DPYD: variants seen among roughly 807,000 people sequenced by gnomAD.
DPYD encodes the protein dihydropyrimidine dehydrogenase [NADP(+)].
In DPYD, 109 loss-of-function variants were observed where a neutral mutation model predicts 116.2. The ratio of observed to expected loss-of-function variants is 0.94; its 90% CI spans 0.80 to 1.10. DPYD has a LOEUF of 1.10. Ranked by LOEUF, DPYD falls within the 50% of genes least tolerant of loss-of-function variation. DPYD has a pLI of 0.00. For synonymous variants in DPYD, 440 were observed against 432.0 expected, an observed-to-expected ratio of 1.02 and a Z score of -0.23; for missense variants, 1,302 against 1,254.5, an observed-to-expected ratio of 1.04 and a Z score of -0.57.
rs554554892 is a variant in DPYD, at chr1:97,636,813, T to C, written c.851-41647A>G. Among the ~76,000 whole-genome samples, 11 of 152,176 alleles carry C rather than the reference T, an allele frequency of 7.2e-5. No homozygotes were observed. In the South Asian group the frequency reaches 2.1e-3, roughly 29 times the overall value. ...ATTCATATTATCTTAACACTAGAAA[T>C]GAGAAGTTCACTCAGTGAATGAGGG... On this transcript the variant is annotated intron_variant, in intron 8 of 22. Coordinates refer to ENST00000370192, the MANE Select transcript of DPYD (RefSeq NM_000110.4).
chr1:97,883,850 C>T lies in DPYD; in HGVS notation c.40-476G>A, dbSNP rs769871045. 9 of 458,344 alleles carry T rather than the reference C, an allele frequency of 2.0e-5. No individual in the cohort carries two copies. In the Admixed American group the frequency reaches 2.2e-4, roughly 11 times the overall value. The allele number at this position is 458,344 out of a possible 1,614,324, so 28.4% of individuals were successfully genotyped here. On this transcript the variant is annotated intron_variant, in intron 1 of 22. Transcript: ENST00000370192. ...TAGGAATCACAAAAAAAAAAAGATA[C>T]ATGTAAATCAGAAGAATGACCCCAA...
chr1:97,397,605 TTGGA>T (rs1363237583), intron 14 of DPYD, among the ~76,000 whole-genome samples: 4 of 152,098 alleles, frequency 2.6e-5, no homozygotes, highest in Non-Finnish European at 5.9e-5. Context: ...TGTCATATAA[TTGGA>T]ATCACACAGT....
chr1:97,261,033 C>T (rs1663839639), intron 18 of DPYD, among the ~76,000 whole-genome samples: 4 of 152,084 alleles, frequency 2.6e-5, no homozygotes, highest in Admixed American at 2.0e-4. Context: ...AAGAGATAAT[C>T]GTTCACCATA....
intron 18 of DPYD, among the ~76,000 whole-genome samples, chr1:97,294,400 C>A (rs917183920): frequency 1.3e-5 from 2 of 152,122 alleles, no homozygotes; most frequent in African/African-American, 4.8e-5. Context: ...TTTTTTAAAT[C>A]TCAATTTCTT....
chr1:97,883,681 A>C (rs1411843471), intron 1 of DPYD, among the ~76,000 whole-genome samples: 2 of 151,988 alleles, frequency 1.3e-5, no homozygotes, highest in African/African-American at 2.4e-5. Context: ...TCCTGGTCTC[A>C]AGCGATCCAC....
At chr1:97,090,726 T>C (rs1218418941) in intron 21 of DPYD, among the ~76,000 whole-genome samples, 2 of 152,228 alleles carry the variant, frequency 1.3e-5, no homozygotes, top group Non-Finnish European at 2.9e-5. Context: ...GATAGACGTC[T>C]TTCTTTTTAA....
chr1:97,260,788 G>A (rs958264212), intron 18 of DPYD, among the ~76,000 whole-genome samples: 1 of 152,030 alleles, frequency 6.6e-6, no homozygotes, highest in Admixed American at 6.6e-5. Context: ...TATTTTGCTG[G>A]AGAGAGGATC....
chr1:97,534,585 T>A (rs1649859506), intron 12 of DPYD, among the ~76,000 whole-genome samples: 1 of 152,160 alleles, frequency 6.6e-6, no homozygotes, highest in African/African-American at 2.4e-5. Context: ...TGGATGTTAT[T>A]CTTTTCTTTA....
intron 13 of DPYD, among the ~76,000 whole-genome samples, chr1:97,511,026 A>G (rs758393654): frequency 1.3e-4 from 19 of 151,936 alleles, no homozygotes; most frequent in Non-Finnish European, 2.1e-4. Context: ...CATTAGTGGA[A>G]CATCTTGATC....
At chr1:97,407,764 C>T (rs1570684497) in intron 14 of DPYD, among the ~76,000 whole-genome samples, 1 of 152,138 alleles carries the variant, frequency 6.6e-6, no homozygotes. Context: ...CACCATCACC[C>T]TTAGTGACCC....
intron 3 of DPYD, among the ~76,000 whole-genome samples, chr1:97,806,745 T>C (rs1341423694): frequency 1.3e-5 from 2 of 151,940 alleles, no homozygotes; most frequent in East Asian, 3.8e-4. Flanking sequence ...AAATGTATAA[T>C]AATATGGATC....
At chr1:97,641,031 C>T (rs1657862468) in intron 8 of DPYD, among the ~76,000 whole-genome samples, 2 of 152,056 alleles carry the variant, frequency 1.3e-5, no homozygotes, top group African/African-American at 4.8e-5. Flanking sequence ...CCATAGGCTC[C>T]CAGTTTTTCT....
intron 8 of DPYD, among the ~76,000 whole-genome samples, chr1:97,638,576 CT>C (rs1345114239): frequency 6.6e-6 from 1 of 152,092 alleles, no homozygotes; most frequent in Non-Finnish European, 1.5e-5. Flanking sequence ...TTTTGCATTG[CT>C]ATAAAGGAGT....
intron 19 of DPYD, among the ~76,000 whole-genome samples, chr1:97,207,157 A>G (rs935919352): frequency 6.6e-6 from 1 of 152,244 alleles, no homozygotes. Context: ...AAATATTGTA[A>G]TAGTATCAGT....
intron 3 of DPYD, among the ~76,000 whole-genome samples, chr1:97,822,267 T>A (rs1201681325): frequency 6.7e-6 from 1 of 149,294 alleles, no homozygotes; most frequent in African/African-American, 2.4e-5. Flanking sequence ...CAGATTTATT[T>A]TAAATATATG....
intron 18 of DPYD, among the ~76,000 whole-genome samples, chr1:97,248,340 TA>T (rs1290785600): frequency 6.6e-6 from 1 of 152,172 alleles, no homozygotes; most frequent in African/African-American, 2.4e-5. Context: ...CTGATGGTTT[TA>T]AAAACAGGAG....
At chr1:97,442,134 A>G (rs1294620294) in intron 14 of DPYD, among the ~76,000 whole-genome samples, 1 of 151,986 alleles carries the variant, frequency 6.6e-6, no homozygotes, top group African/African-American at 2.4e-5. Context: ...GAACACCTGC[A>G]GGTCTCTGGA....
intron 3 of DPYD, among the ~76,000 whole-genome samples, chr1:97,756,151 A>G (rs1053294156): frequency 6.6e-6 from 1 of 152,240 alleles, no homozygotes; most frequent in African/African-American, 2.4e-5. Context: ...GGGAAGTAGT[A>G]TGTTGAATAA....
In DPYD at chr1:97,515,754, G is replaced by T. The variant is rs1195493601; in HGVS notation, c.1712C>A (p.Ala571Asp). Residue 571 changes from alanine (A) to aspartate (D), a missense_variant, in exon 13 of 23, where the codon GCC becomes GAC. Transcript: ENST00000370192. The part of the protein sequence containing the change: ...RRAFEAGWGF[A>D]LTKTFSLDKD... ...ATCAAGAGAGAAAGTTTTGGTGAGG[G>T]CAAAACCCCATCCAGCTTCAAAAGC... The T allele has an allele frequency of 3.7e-6, 6 of 1,612,490 alleles. No homozygotes were observed. In the East Asian group the frequency reaches 1.3e-4, roughly 36 times the overall value.
Sources: gnomAD v4.1 joint callset for allele counts (sites outside exome capture counted in the v4.1 genomes callset) on GRCh38, gnomAD v4.1.1 for gene constraint, MANE v1.5 for transcripts, NCBI Gene and HGNC (gene_info 2026-07-23, HGNC 2026-07-21) for gene names.